FCGR3A: variants seen among roughly 807,000 people sequenced by gnomAD.
FCGR3A encodes the protein Fc gamma receptor IIIa.
A neutral mutation model predicts 24.1 loss-of-function variants in FCGR3A; 13 were observed. The observed-to-expected ratio is 0.54, with a 90% CI of 0.35 to 0.86. The LOEUF is 0.86. Among genes scored for constraint, FCGR3A ranks in the 40% least tolerant of loss-of-function variants. The pLI is 0.01. For missense variants in FCGR3A, 235 were observed against 298.0 expected, an observed-to-expected ratio of 0.79 and a Z score of 1.56; for synonymous variants, 93 against 112.2, an observed-to-expected ratio of 0.83 and a Z score of 1.08.
At chr1:161,547,901 C>G (rs2102530241) in intron 3 of FCGR3A, among the ~76,000 whole-genome samples, 2 of 152,414 alleles carry the variant, frequency 1.3e-5, no homozygotes, top group Middle Eastern at 6.8e-3. Context: ...GAAACCCTGT[C>G]TCTACTAAAA....
upstream of FCGR3A, among the ~76,000 whole-genome samples, chr1:161,550,304 C>A (rs1379347774): frequency 1.3e-4 from 20 of 152,214 alleles, no homozygotes; most frequent in Non-Finnish European, 2.1e-4. Flanking sequence ...ATTATCTCCA[C>A]GCAGAATTTC....
chr1:161,549,208 C>A lies in FCGR3A; in HGVS notation c.41-177G>T, dbSNP rs1461055436. The stretch of plus-strand genomic sequence containing the variant: ...TGCTCTCTGGTCTCCACTGTTCATG[C>A]CTCTTGCGCCACTGTCAACACAAAT... On this transcript the variant is annotated intron_variant, in intron 1 of 4. Transcript: ENST00000443193. 2.0e-5 allele frequency among the ~76,000 whole-genome samples: 3 copies of A among 150,740 alleles called. No individual in the cohort carries two copies. The East Asian group carries it at 6.1e-4, about 31-fold the overall frequency.
At position 161,543,286 on chromosome 1, in the gene FCGR3A, C is replaced by T. The variant is rs2102518373; in HGVS notation, c.578-87G>A. On this transcript the variant is annotated intron_variant, in intron 4 of 4. Coordinates refer to ENST00000443193, the MANE Select transcript of FCGR3A (RefSeq NM_000569.8). ...AACAGTGAGGTCACCAGTAGAAAGT[C>T]TTTGACAACAGCCAACAGGCAAGTG... 6.1e-6 allele frequency: 9 copies of T among 1,486,370 alleles called. No individual in the cohort carries two copies. In the East Asian group the frequency reaches 9.1e-5, roughly 15 times the overall value. 92.1% of individuals were successfully genotyped at this position (1,486,370 alleles called of 1,614,324 possible).
chr1:161,546,269 A>C (rs1208474949), intron 3 of FCGR3A, among the ~76,000 whole-genome samples: 1 of 152,080 alleles, frequency 6.6e-6, no homozygotes. Context: ...CAGCAGAGAG[A>C]TGAATCATTA....
At chr1:161,543,228 A>C (rs769948428) in intron 4 of FCGR3A, 29 bp from the exon 5 acceptor site, 2 of 1,604,460 alleles carry the variant, frequency 1.2e-6, no homozygotes, top group South Asian at 2.2e-5. Flanking sequence ...AGATGAAAAA[A>C]AATGACAGTC....
At chr1:161,546,626 C>T (rs1175596334) in intron 3 of FCGR3A, among the ~76,000 whole-genome samples, 1 of 151,984 alleles carries the variant, frequency 6.6e-6, no homozygotes, top group African/African-American at 2.4e-5. Flanking sequence ...AAAATGCAGG[C>T]TGGGCGCGGT....
intron 3 of FCGR3A, among the ~76,000 whole-genome samples, chr1:161,547,916 A>G (rs1677504288): frequency 2.0e-5 from 3 of 152,418 alleles, no homozygotes; most frequent in African/African-American, 7.2e-5. Context: ...CTAAAAATAC[A>G]AAAATTAGCT....
chr1:161,549,857 C>T (rs375134666), upstream of FCGR3A: 5 of 1,611,658 alleles, frequency 3.1e-6, no homozygotes, highest in Admixed American at 5.0e-5. Context: ...CTGTCACCCA[C>T]CAATTTCCTT....
intron 4 of FCGR3A, among the ~76,000 whole-genome samples, chr1:161,543,471 G>T (rs747742171): frequency 5.3e-5 from 8 of 152,226 alleles, no homozygotes; most frequent in Non-Finnish European, 1.2e-4. Flanking sequence ...TAGGTTGTAA[G>T]CTGGGTTTTG....
chr1:161,549,838 C>T (rs751531852), upstream of FCGR3A: 1 of 1,613,142 alleles, frequency 6.2e-7, no homozygotes, highest in Admixed American at 1.7e-5. Flanking sequence ...CCAGCCCCTC[C>T]ACCCATCTCT....
In FCGR3A at chr1:161,542,439, T is replaced by C. The variant is rs1446047290; in HGVS notation, c.*573A>G. On this transcript the variant is annotated 3_prime_UTR_variant, in exon 5 of 5. Transcript: ENST00000443193. ...CCTCATGATTTCCTGTTAATTCCAC[T>C]ACGGCTAATGTTCTAGGAAGACACC... 1.3e-5 allele frequency: 2 copies of C among 152,188 alleles called. No homozygotes were observed. The highest frequency in any genetic ancestry group is 1.3e-4 in the Admixed American group (2 of 15,268). 9.4% of individuals were successfully genotyped at this position (152,188 alleles called of 1,614,324 possible).
In FCGR3A at chr1:161,543,064, CTTG is replaced by C. The variant is rs760351697; in HGVS notation, c.710_712del (p.Thr237del). The C allele has an allele frequency of 6.2e-7, 1 of 1,613,418 alleles. No homozygotes were observed. Among genetic ancestry groups the C allele is most frequent in the African/African-American group, 1.3e-5 (1 of 74,934 alleles). Reference sequence around the variant, plus strand: ...TTTAAATTTATGGTCCTTCCAGTCTCTTGTTGAGCTTCGAATGTTTGTCTTCAC... The same window carrying C: ...TTTAAATTTATGGTCCTTCCAGTCTCTTGAGCTTCGAATGTTTGTCTTCAC... On this transcript the variant is annotated inframe_deletion, in exon 5 of 5. Coordinates refer to ENST00000443193, the MANE Select transcript of FCGR3A (RefSeq NM_000569.8).
chr1:161,549,991 AG>A, upstream of FCGR3A: 1 of 840,748 alleles, frequency 1.2e-6, no homozygotes, highest in Non-Finnish European at 1.9e-6. Context: ...ACTCCCTCAA[AG>A]GTCTGTGGCT....
At chr1:161,547,882 C>T (rs1395726374) in intron 3 of FCGR3A, among the ~76,000 whole-genome samples, 2 of 152,296 alleles carry the variant, frequency 1.3e-5, no homozygotes, top group African/African-American at 2.4e-5. Context: ...CCAGACTGAC[C>T]AACATGGTGA....
chr1:161,543,295 C>G (rs1310142743), intron 4 of FCGR3A, 96 bp from the exon 5 acceptor site: 3 of 1,415,644 alleles, frequency 2.1e-6, no homozygotes, highest in African/African-American at 2.9e-5. Flanking sequence ...TCTTTGACAA[C>G]AGCCAACAGG....
At position 161,544,747 on chromosome 1, in the gene FCGR3A, C is replaced by G. The variant is rs1447329782; in HGVS notation, c.531G>C (p.Gly177=). ...SGSYFCRGLF[G]SKNVSSETVN... ...CAGTCTCTGAAGACACATTTTTACT[C>G]CCAAAAAGCCCCCTGCAGAAGTAGG... Residue 177 remains glycine (G), a synonymous_variant, in exon 4 of 5, where the codon GGG becomes GGC. Transcript: ENST00000443193. 9 of 1,611,820 alleles carry G rather than the reference C, an allele frequency of 5.6e-6. No homozygotes were observed. The highest frequency in any genetic ancestry group is 7.6e-6 in the Non-Finnish European group (9 of 1,178,176).
rs752665263 is a variant in FCGR3A at position 161,548,493 on chromosome 1, C to T, written c.247G>A (p.Asp83Asn). The T allele has an allele frequency of 1.7e-5, 28 of 1,613,896 alleles. No homozygotes were observed. The highest frequency in any genetic ancestry group is 7.7e-5 in the South Asian group (7 of 91,080). ...GTCTGGCACCTGTACTCTCCACTGT[C>T]GTCGACTGTGGCAGCGTCAATGAAG... ...SYFIDAATVD[D>N]SGEYRCQTNL... The change falls in exon 3 of 5, where the codon GAC becomes AAC. Residue 83 changes from aspartate (D) to asparagine (N), a missense_variant. Coordinates refer to ENST00000443193, the MANE Select transcript of FCGR3A (RefSeq NM_000569.8).
At chr1:161,550,625 G>T (rs1312435736), upstream of FCGR3A, 1 of 152,014 alleles carries the variant, frequency 6.6e-6, no homozygotes, top group Non-Finnish European at 1.5e-5. Context: ...CGGGGCTCCA[G>T]GGCTCCTTAC....
chr1:161,550,600 T>A (rs1181082958), upstream of FCGR3A: 1 of 152,320 alleles, frequency 6.6e-6, no homozygotes, highest in African/African-American at 2.4e-5. Context: ...TGGGCTGGTC[T>A]GTCAGCCTAG....
Sources: allele counts gnomAD v4.1 joint callset (sites outside exome capture counted in the v4.1 genomes callset), GRCh38; gene constraint gnomAD v4.1.1; transcripts MANE v1.5; gene names NCBI Gene and HGNC (gene_info 2026-07-23, HGNC 2026-07-21).